The following RYR2 variants were observed in gnomAD, a reference collection of about 807,000 sequenced individuals.
The protein encoded by RYR2 is cardiac muscle ryanodine receptor-calcium release channel.
RYR2 carries 227 observed loss-of-function variants against 601.1 expected under a neutral mutation model. The observed-to-expected ratio is 0.38, with a 90% confidence interval of 0.34 to 0.42. The LOEUF (loss-of-function observed/expected upper bound fraction) is 0.42, where lower values mean the gene tolerates loss of function less well. RYR2 is among the 10% of genes least tolerant of loss of function. The pLI is 1.00. For synonymous variants in RYR2, 2,223 were observed against 2,175.1 expected (o/e 1.02, Z -0.61); for missense variants, 4,646 against 6,156.5 (o/e 0.75, Z 8.21).
intron 2 of RYR2, among the ~76,000 whole-genome samples, chr1:237,318,946 G>A (rs913553925): frequency 6.6e-6 from 1 of 151,878 alleles, no homozygotes; most frequent in Admixed American, 6.6e-5. Flanking sequence ...CCCATTACAC[G>A]TATATTGATG....
chr1:237,595,587 G>A lies in RYR2; in HGVS notation c.4526G>A (p.Cys1509Tyr). Reference protein sequence around the residue: ...GRNNNGLEIGCVVDAASGLLT... With the variant: ...GRNNNGLEIGYVVDAASGLLT... ...AACAATAATGGACTGGAGATTGGCT[G>A]TGTGGTGGATGCTGCCAGCGGGCTG... is the stretch of plus-strand genomic sequence containing the variant. Residue 1509 changes from cysteine to tyrosine, a missense_variant, in exon 34 of 105, where the codon TGT becomes TAT. By Grantham distance (194) the Cys-to-Tyr change is radical (BLOSUM62 -2). This residue lies in a region of RYR2 where 1,807 missense variants were observed against 2,088.1 expected (regional missense o/e 0.87). Coordinates refer to ENST00000366574, the MANE Select transcript of RYR2 (RefSeq NM_001035.3). 6.2e-7 allele frequency: 1 copy of A among 1,613,534 alleles called. No individual in the cohort carries two copies. The highest frequency in any genetic ancestry group is 8.5e-7 in the Non-Finnish European group (1 of 1,179,680).
At chr1:237,484,740 T>C (rs1392223370) in intron 17 of RYR2, among the ~76,000 whole-genome samples, 1 of 152,240 alleles carries the variant, frequency 6.6e-6, no homozygotes, top group Admixed American at 6.5e-5. Flanking sequence ...TCCTACAGAT[T>C]TGTAAGTCAA....
At position 237,548,522 on chromosome 1, in the gene RYR2, G is replaced by T. The variant is rs761524753; in HGVS notation, c.2998G>T (p.Ala1000Ser). 7 of 1,613,876 alleles carry T rather than the reference G, an allele frequency of 4.3e-6. No homozygotes were observed. In the Admixed American group the frequency reaches 1.2e-4, roughly 27 times the overall value. ...PSQEAMVDKL[A>S]ENAHNVWARD... is the part of the protein sequence containing the mutation. ...ACAAGAAGCAATGGTGGACAAGTTG[G>T]CAGAAAATGCACATAATGTGTGGGC... is the stretch of plus-strand genomic sequence containing the variant. The change falls in exon 26 of 105, where the codon GCA becomes TCA. Residue 1000 changes from alanine to serine, a missense_variant. By Grantham distance (99) the Ala-to-Ser change is moderately conservative. Around this residue, in one of 17 missense-constraint regions of RYR2, gnomAD observed 1,807 missense variants for 2,088.1 expected, o/e 0.87. Coordinates refer to ENST00000366574, the MANE Select transcript of RYR2 (RefSeq NM_001035.3).
At chr1:237,438,746 A>G (rs1161928618) in intron 12 of RYR2, among the ~76,000 whole-genome samples, 2 of 152,242 alleles carry the variant, frequency 1.3e-5, no homozygotes, top group East Asian at 3.9e-4. Flanking sequence ...AGAGTAGCAG[A>G]CAGATTGGGC....
At position 237,106,985 on chromosome 1, in the gene RYR2, G is replaced by A. The variant is rs1026499405; in HGVS notation, c.48+64416G>A. Among the ~76,000 whole-genome samples the A allele has an allele frequency of 6.6e-6, 1 of 152,148 alleles. No individual in the cohort carries two copies. Among genetic ancestry groups the A allele is most frequent in the Non-Finnish European group, 1.5e-5 (1 of 68,036 alleles). On this transcript the variant is annotated intron_variant, in intron 1 of 104. Coordinates refer to ENST00000366574, the MANE Select transcript of RYR2 (RefSeq NM_001035.3). This position sits in a 1 kb window ranked among gnomAD's most constrained non-coding sequence, Gnocchi z 4.4. ...TAAGATTTTAACATATGATTTTGGG[G>A]GGACTGAGGGACATAAACATTTAGT...
chr1:237,665,544 A>G (rs1377617602), intron 56 of RYR2, among the ~76,000 whole-genome samples: 1 of 152,164 alleles, frequency 6.6e-6, no homozygotes, highest in Non-Finnish European at 1.5e-5. Flanking sequence ...ATGTTTATAG[A>G]TAAAACGGGA....
At chr1:237,640,056 C>A (rs544514132) in intron 46 of RYR2, among the ~76,000 whole-genome samples, 3 of 152,072 alleles carry the variant, frequency 2.0e-5, no homozygotes, top group Non-Finnish European at 4.4e-5. Flanking sequence ...TATCAGTTTC[C>A]CATGAAGGAA....
At position 237,088,385 on chromosome 1, in the gene RYR2, TCTA is replaced by T. The variant is rs1666592812; in HGVS notation, c.48+45819_48+45821del. 6.6e-5 allele frequency among the ~76,000 whole-genome samples: 10 copies of T among 152,360 alleles called. No homozygotes were observed. The South Asian group carries it at 2.1e-3, about 32-fold the overall frequency. ...GCTACCTGTGCTTTTCTTTCCTTTT[TCTA>T]CTTTCCTTGCAAGACTAAACCATAT... On this transcript the variant is annotated intron_variant, in intron 1 of 104. Transcript: ENST00000366574.
chr1:237,053,430 G>A (rs1350643743), intron 1 of RYR2, among the ~76,000 whole-genome samples: 3 of 152,128 alleles, frequency 2.0e-5, no homozygotes, highest in East Asian at 1.9e-4. Flanking sequence ...CTGAAGATGG[G>A]GGTGTCATTA....
chr1:237,409,158 C>T (rs996957474), intron 10 of RYR2, among the ~76,000 whole-genome samples: 1 of 151,908 alleles, frequency 6.6e-6, no homozygotes, highest in African/African-American at 2.4e-5. Flanking sequence ...ATTTAATTTC[C>T]TTTTCTTATG....
intron 1 of RYR2, among the ~76,000 whole-genome samples, chr1:237,098,838 G>A (rs560655313): frequency 2.0e-5 from 3 of 152,314 alleles, no homozygotes; most frequent in African/African-American, 7.2e-5. Context: ...AATAAATTCT[G>A]GAGATGATTC....
rs78367688 is a variant in RYR2 at position 237,533,921 on chromosome 1, G to A, written c.2906+3411G>A. On this transcript the variant is annotated intron_variant, in intron 25 of 104. Transcript: ENST00000366574. ...ATAATGCTTTGAAGCATATACTTTT[G>A]TAGTTATTTTATAATGATTTTTTAA... is the stretch of plus-strand genomic sequence containing the variant. 9.4e-3 allele frequency among the ~76,000 whole-genome samples: 1,424 copies of A among 152,068 alleles called. 25 individuals carry two copies. The highest frequency in any genetic ancestry group is 0.032 in the African/African-American group (1,344 of 41,520).
intron 10 of RYR2, among the ~76,000 whole-genome samples, chr1:237,394,617 T>C (rs184125961): frequency 3.0e-4 from 46 of 152,340 alleles, no homozygotes; most frequent in Admixed American, 2.5e-3. Flanking sequence ...AATTTCACTC[T>C]GAAATAACCT....
At chr1:237,499,430 T>A (rs1664408154) in intron 20 of RYR2, among the ~76,000 whole-genome samples, 1 of 152,144 alleles carries the variant, frequency 6.6e-6, no homozygotes, top group South Asian at 2.1e-4. Flanking sequence ...TAATAGAGGG[T>A]CTATAAAGCT....
intron 25 of RYR2, among the ~76,000 whole-genome samples, chr1:237,536,802 C>G (rs1197443134): frequency 6.7e-6 from 1 of 148,772 alleles, no homozygotes; most frequent in African/African-American, 2.5e-5. Flanking sequence ...AGGAGAATGG[C>G]GTGAACCCGG....
At chr1:237,207,676 T>C (rs1187944462) in intron 1 of RYR2, among the ~76,000 whole-genome samples, 1 of 152,120 alleles carries the variant, frequency 6.6e-6, no homozygotes, top group Non-Finnish European at 1.5e-5. Flanking sequence ...TGTGAAAAAA[T>C]AAATTTCTGT....
chr1:237,269,393 C>T (rs1456083334), intron 1 of RYR2, among the ~76,000 whole-genome samples: 3 of 151,998 alleles, frequency 2.0e-5, no homozygotes, highest in Admixed American at 6.6e-5. Flanking sequence ...AACAACTTGC[C>T]GTCTGCTTTT....
In RYR2 at chr1:237,678,129, A is replaced by G. The variant is rs765380994; in HGVS notation, c.8895+17A>G. On this transcript the variant is annotated intron_variant, in intron 61 of 104. Transcript: ENST00000366574. Reference sequence around the variant, plus strand: ...TTTGCAAAAGTACAGTATACAATCTATCTTGTTTTTGCTTCAATATGTTTG... The same window carrying G: ...TTTGCAAAAGTACAGTATACAATCTGTCTTGTTTTTGCTTCAATATGTTTG... 6 of 1,487,444 alleles carry G rather than the reference A, an allele frequency of 4.0e-6. No individual in the cohort carries two copies. Among genetic ancestry groups the G allele is most frequent in the East Asian group, 2.3e-5 (1 of 44,142 alleles). 92.1% of individuals were successfully genotyped at this position (1,487,444 alleles called of 1,614,324 possible).
chr1:237,612,785 G>A (rs1297593181), intron 36 of RYR2, among the ~76,000 whole-genome samples: 5 of 152,114 alleles, frequency 3.3e-5, no homozygotes, highest in Admixed American at 2.0e-4. Flanking sequence ...TGCTATCATC[G>A]AAAACCAACA....
Sources: gnomAD v4.1 joint callset for allele counts (sites outside exome capture counted in the v4.1 genomes callset) on GRCh38, gnomAD v4.1.1 for gene constraint, gnomAD v4.1.1 regional missense constraint, Gnocchi (gnomAD v3.1) non-coding constraint, MANE v1.5 for transcripts, NCBI Gene and HGNC (gene_info 2026-07-23, HGNC 2026-07-21) for gene names.